BIN1: variants seen among roughly 807,000 people sequenced by gnomAD.
BIN1 encodes bridging integrator 1, also known as myc box-dependent-interacting protein 1.
In BIN1, 53 loss-of-function variants were observed where a neutral mutation model predicts 82.0. That is an observed-to-expected ratio of 0.65 (90% CI 0.52 to 0.81). The LOEUF is 0.81. BIN1 is among the 40% of genes least tolerant of loss of function. BIN1 has a pLI of 0.00. For missense variants in BIN1, 642 were observed against 784.4 expected, an observed-to-expected ratio of 0.82 and a Z score of 2.17; for synonymous variants, 302 against 328.0, an observed-to-expected ratio of 0.92 and a Z score of 0.86.
intron 1 of BIN1, among the ~76,000 whole-genome samples, chr2:127,096,835 A>T (rs1679664022): frequency 6.6e-6 from 1 of 152,208 alleles, no homozygotes; most frequent in Non-Finnish European, 1.5e-5. Flanking sequence ...TCTTGGCCTC[A>T]GCCCCAGAGA....
At chr2:127,053,608 G>C (rs994771118) in intron 13 of BIN1, 163 bp from the exon 14 acceptor site, 2 of 952,040 alleles carry the variant, frequency 2.1e-6, no homozygotes, top group Non-Finnish European at 3.3e-6. Flanking sequence ...GCAGGTGGCC[G>C]AGCTCCCGAC....
At chr2:127,058,137 G>A (rs1683952487) in intron 11 of BIN1, among the ~76,000 whole-genome samples, 1 of 152,162 alleles carries the variant, frequency 6.6e-6, no homozygotes, top group African/African-American at 2.4e-5. Flanking sequence ...ATGGGGCAGA[G>A]GCCACACCCC....
Position 127,068,218 on chromosome 2 carries a change from C to T in BIN1, c.557G>A (p.Cys186Tyr), listed in dbSNP as rs756082389. Reference sequence around the variant, plus strand: ...GAGATGAGCCTGCAGTTTGCCTTGGCACCACTGGGGGGCGGCTTTCTCAAG... The same window carrying T: ...GAGATGAGCCTGCAGTTTGCCTTGGTACCACTGGGGGGCGGCTTTCTCAAG... ...SLLEKAAPQW[C>Y]QGKLQAHLVA... Residue 186 changes from cysteine to tyrosine, a missense_variant, in exon 7 of 19, where the codon TGC becomes TAC. Coordinates refer to ENST00000316724, the MANE Select transcript of BIN1 (RefSeq NM_139343.3). This position sits in a 1 kb window ranked among gnomAD's most constrained non-coding sequence, Gnocchi z 4.9. 1 of 1,613,638 alleles carries T rather than the reference C, an allele frequency of 6.2e-7. No homozygotes were observed. The highest frequency in any genetic ancestry group is 1.1e-5 in the South Asian group (1 of 91,026).
At chr2:127,089,655 G>A (rs765006738) in intron 1 of BIN1, among the ~76,000 whole-genome samples, 2 of 152,026 alleles carry the variant, frequency 1.3e-5, no homozygotes, top group Non-Finnish European at 2.9e-5. Context: ...CTGCCCCTCA[G>A]TCCCTCCCAC....
chr2:127,099,600 G>A (rs1279481886), intron 1 of BIN1, among the ~76,000 whole-genome samples: 16 of 152,156 alleles, frequency 1.1e-4, no homozygotes, highest in Admixed American at 6.5e-4. Context: ...TGCAACCGCC[G>A]CCTCCCGGGT....
chr2:127,063,897 T>TGCCCCACGCAGGCTGGGCACC (rs1684829690), intron 8 of BIN1, 36 bp downstream of exon 8: 1 of 1,608,994 alleles, frequency 6.2e-7, no homozygotes, highest in East Asian at 2.2e-5. Flanking sequence ...GACTGGACAC[T>TGCCCCACGCAGGCTGGGCACC]GCCCCACGCA....
In BIN1 at chr2:127,093,170, C is replaced by A. The variant is rs375246606; in HGVS notation, c.84+13690G>T. Among the ~76,000 whole-genome samples the A allele has an allele frequency of 1.3e-5, 2 of 152,160 alleles. No homozygotes were observed. The highest frequency in any genetic ancestry group is 4.8e-5 in the African/African-American group (2 of 41,448). On this transcript the variant is annotated intron_variant, in intron 1 of 18. Coordinates refer to ENST00000316724, the MANE Select transcript of BIN1 (RefSeq NM_139343.3). This position sits in a 1 kb window ranked among gnomAD's most constrained non-coding sequence, Gnocchi z 5.7. ...AGTATCACCTGGAGCCTGGCCCCCA[C>A]AAGGCCCTGTCGGGGCTCAGAACAC...
At chr2:127,099,390 G>A (rs1167172969) in intron 1 of BIN1, among the ~76,000 whole-genome samples, 1 of 151,876 alleles carries the variant, frequency 6.6e-6, no homozygotes, top group African/African-American at 2.4e-5. Flanking sequence ...GGGCAGTGTC[G>A]GCAGCATGGT....
intron 1 of BIN1, among the ~76,000 whole-genome samples, chr2:127,102,333 C>T (rs957197175): frequency 2.0e-5 from 3 of 152,150 alleles, no homozygotes; most frequent in Non-Finnish European, 2.9e-5. Context: ...AAGGGAGCCC[C>T]GATGTGGTGA....
intron 1 of BIN1, among the ~76,000 whole-genome samples, chr2:127,095,909 G>A (rs1679541331): frequency 6.6e-6 from 1 of 152,242 alleles, no homozygotes; most frequent in African/African-American, 2.4e-5. Context: ...GAACTCAGCT[G>A]CTGCCATTCT....
chr2:127,088,531 T>C (rs1241292785), intron 1 of BIN1, among the ~76,000 whole-genome samples: 1 of 151,220 alleles, frequency 6.6e-6, no homozygotes, highest in Non-Finnish European at 1.5e-5. Flanking sequence ...AGGTCAGGAG[T>C]TCCAGACCAG....
At chr2:127,054,119 A>G (rs912751117) in intron 12 of BIN1, 107 bp from the exon 13 acceptor site, 7 of 874,446 alleles carry the variant, frequency 8.0e-6, no homozygotes, top group Non-Finnish European at 1.3e-5. Flanking sequence ...ACACACACAC[A>G]TACACACACC....
In BIN1 at chr2:127,054,015, T is replaced by TGGC. The variant is rs765093741; in HGVS notation, c.1132-6_1132-4dup. ...GAGAAAGGCCCCGGGGCCTCAAACT[T>TGGC]GGCAGCAGCAGCAGCAGCAGAGGAG... On this transcript the variant is annotated splice_region_variant and splice_polypyrimidine_tract_variant and intron_variant, in intron 12 of 18. Coordinates refer to ENST00000316724, the MANE Select transcript of BIN1 (RefSeq NM_139343.3). The TGGC allele has an allele frequency of 8.5e-5, 131 of 1,550,168 alleles. 1 individual carries two copies. The Middle Eastern group carries it at 5.0e-3, about 59-fold the overall frequency.
intron 1 of BIN1, among the ~76,000 whole-genome samples, chr2:127,086,463 T>A (rs1290613548): frequency 6.6e-6 from 1 of 151,740 alleles, no homozygotes; most frequent in Non-Finnish European, 1.5e-5. Context: ...AAGACATTCC[T>A]CCCAGGAAGG....
At chr2:127,064,149 G>A (rs1684860774) in intron 7 of BIN1, 131 bp from the exon 8 acceptor site, 1 of 1,032,442 alleles carries the variant, frequency 9.7e-7, no homozygotes, top group Non-Finnish European at 1.5e-6. Context: ...CAAGACAGAG[G>A]CTGAACTGGA....
chr2:127,068,809 C>G lies in BIN1; in HGVS notation c.519+115G>C. 3 of 1,031,470 alleles carry G rather than the reference C, an allele frequency of 2.9e-6. No homozygotes were observed. Among genetic ancestry groups the G allele is most frequent in the Non-Finnish European group, 4.5e-6 (3 of 670,798 alleles). 63.9% of individuals were successfully genotyped at this position (1,031,470 alleles called of 1,614,324 possible). A position where few individuals can be genotyped will look rare whatever the true frequency, so the allele number is the denominator to read the frequency against. On this transcript the variant is annotated intron_variant, in intron 6 of 18. Transcript: ENST00000316724. This position sits in a 1 kb window ranked among gnomAD's most constrained non-coding sequence, Gnocchi z 4.9. ...GGCCTGGGCCCTGTATCGTCCCCAC[C>G]CCCAGTTCAGCCACCTGGGGCCAGG...
intron 1 of BIN1, among the ~76,000 whole-genome samples, chr2:127,081,196 A>G (rs1487683044): frequency 6.6e-6 from 1 of 152,236 alleles, no homozygotes; most frequent in Non-Finnish European, 1.5e-5. Context: ...AAGGGTGCCC[A>G]GGCCTGTCTT....
intron 5 of BIN1, 118 bp from the exon 6 acceptor site, chr2:127,069,149 C>T: frequency 1.1e-6 from 1 of 901,028 alleles, no homozygotes; most frequent in Non-Finnish European, 1.7e-6. Context: ...CACAGGAACC[C>T]TTGAGCCCTT....
At chr2:127,080,863 G>A (rs372265249) in intron 1 of BIN1, among the ~76,000 whole-genome samples, 1 of 152,194 alleles carries the variant, frequency 6.6e-6, no homozygotes, top group Non-Finnish European at 1.5e-5. Context: ...CAGCCTCGCT[G>A]GGCCTCGGCT....
Sources: allele counts gnomAD v4.1 joint callset (sites outside exome capture counted in the v4.1 genomes callset), GRCh38; gene constraint gnomAD v4.1.1; non-coding constraint Gnocchi (gnomAD v3.1); transcripts MANE v1.5; gene names NCBI Gene and HGNC (gene_info 2026-07-23, HGNC 2026-07-21).